Variants in GOLGA1 observed in about 807,000 individuals in gnomAD.
The protein encoded by GOLGA1 is golgin A1, also known as golgin subfamily A member 1.
In GOLGA1, 63 loss-of-function variants were observed where a neutral mutation model predicts 119.7. The ratio of observed to expected loss-of-function variants is 0.53; its 90% CI spans 0.43 to 0.65. The LOEUF is 0.65. GOLGA1 is among the 30% of genes least tolerant of loss of function. GOLGA1 has a pLI of 0.00. For missense variants in GOLGA1, 798 were observed against 912.8 expected (o/e 0.87, Z 1.62); for synonymous variants, 318 against 333.4 (o/e 0.95, Z 0.50).
chr9:124,928,050 A>C (rs577759184), intron 6 of GOLGA1, 138 bp downstream of exon 6: 125 of 515,058 alleles, frequency 2.4e-4, no homozygotes, highest in African/African-American at 2.4e-3. Context: ...AAAAGGCCAA[A>C]GAAAACCTTA....
chr9:124,938,502 A>T, intron 3 of GOLGA1, 75 bp downstream of exon 3: 3 of 1,224,358 alleles, frequency 2.5e-6, no homozygotes, highest in East Asian at 2.3e-5. Flanking sequence ...GGTATGAAAT[A>T]ATCAAGCAAT....
intron 10 of GOLGA1, among the ~76,000 whole-genome samples, chr9:124,916,877 C>CAAAAAAAAAAAAAAAAA (rs71494043): frequency 5.3e-4 from 22 of 41,174 alleles, no homozygotes; most frequent in Non-Finnish European, 7.0e-4. Flanking sequence ...CCCTGACACA[C>CAAAAAAAAAAAAAAAAA]AAAAAAAAAA....
chr9:124,923,774 G>A (rs1187839924), intron 7 of GOLGA1, among the ~76,000 whole-genome samples: 1 of 151,912 alleles, frequency 6.6e-6, no homozygotes, highest in Non-Finnish European at 1.5e-5. Context: ...ATGAGCCATC[G>A]TGCATGGCCT....
intron 12 of GOLGA1, among the ~76,000 whole-genome samples, chr9:124,905,045 T>C (rs1296135089): frequency 4.7e-5 from 7 of 148,712 alleles, no homozygotes; most frequent in Non-Finnish European, 8.9e-5. Flanking sequence ...CTTTGGGAGG[T>C]TGAGGCAGGA....
At chr9:124,941,839 G>T (rs1831036183), upstream of GOLGA1, among the ~76,000 whole-genome samples, 1 of 152,282 alleles carries the variant, frequency 6.6e-6, no homozygotes, top group Non-Finnish European at 1.5e-5. Flanking sequence ...CCAGCTACTC[G>T]GAAGACCGAG....
intron 12 of GOLGA1, among the ~76,000 whole-genome samples, chr9:124,907,045 A>C (rs1830247841): frequency 6.6e-6 from 1 of 152,160 alleles, no homozygotes; most frequent in African/African-American, 2.4e-5. Context: ...GCCCATAAAT[A>C]GTTAAAGTCA....
chr9:124,925,195 G>T (rs1249059444), intron 7 of GOLGA1, among the ~76,000 whole-genome samples: 1 of 152,054 alleles, frequency 6.6e-6, no homozygotes, highest in Non-Finnish European at 1.5e-5. Context: ...AGTTGGTTCA[G>T]TCCTATATGG....
At chr9:124,887,375 A>G (rs1022876400) in intron 19 of GOLGA1, 5 of 152,322 alleles carry the variant, frequency 3.3e-5, no homozygotes, top group Admixed American at 3.3e-4. Flanking sequence ...GGCTTCTGGG[A>G]TGCTGGCAAT....
chr9:124,922,180 A>G (rs983233237), intron 8 of GOLGA1, among the ~76,000 whole-genome samples: 12 of 151,318 alleles, frequency 7.9e-5, no homozygotes, highest in Non-Finnish European at 1.3e-4. Flanking sequence ...ATTAGCCAAG[A>G]TCGCGCCACT....
chr9:124,915,155 G>A (rs1024836131), intron 10 of GOLGA1, among the ~76,000 whole-genome samples: 5 of 152,166 alleles, frequency 3.3e-5, no homozygotes, highest in Admixed American at 3.3e-4. Context: ...AATTCTGGGT[G>A]GTGGTCACTT....
At chr9:124,935,299 A>T (rs1421244856) in intron 3 of GOLGA1, among the ~76,000 whole-genome samples, 2 of 152,224 alleles carry the variant, frequency 1.3e-5, no homozygotes, top group African/African-American at 4.8e-5. Context: ...TTTTATACAC[A>T]TAGCCTGAAC....
At chr9:124,944,226 C>G (rs1246996536), upstream of GOLGA1, 1 of 151,700 alleles carries the variant, frequency 6.6e-6, no homozygotes, top group Admixed American at 6.6e-5. Context: ...TGTACTGAAC[C>G]ATTAGAAGGT....
At chr9:124,883,701 G>A (rs887675880) in intron 19 of GOLGA1, among the ~76,000 whole-genome samples, 26 of 151,926 alleles carry the variant, frequency 1.7e-4, no homozygotes, top group African/African-American at 6.3e-4. Flanking sequence ...ACCCACCTTG[G>A]CCTCCCAAAG....
chr9:124,878,426 A>G lies in GOLGA1; in HGVS notation c.*2104T>C, dbSNP rs1286378084. ...GTATTGCACCACAGATGAATTTGCT[A>G]CAGCAGTTTTCAAGAATACAATCCC... On this transcript the variant is annotated 3_prime_UTR_variant, in exon 23 of 23. Coordinates refer to ENST00000373555, the MANE Select transcript of GOLGA1 (RefSeq NM_002077.4). The G allele has an allele frequency of 6.6e-6, 1 of 152,654 alleles. No individual in the cohort carries two copies. The highest frequency in any genetic ancestry group is 1.5e-5 in the Non-Finnish European group (1 of 68,042). 9.5% of individuals were successfully genotyped at this position (152,654 alleles called of 1,614,324 possible).
chr9:124,908,652 T>C (rs1250983761), intron 11 of GOLGA1, among the ~76,000 whole-genome samples, 180 bp from the exon 12 acceptor site: 1 of 152,252 alleles, frequency 6.6e-6, no homozygotes, highest in African/African-American at 2.4e-5. Flanking sequence ...AAATTTGAAA[T>C]AGTCCCTTGA....
chr9:124,917,549 C>T (rs1830472987), intron 10 of GOLGA1, among the ~76,000 whole-genome samples: 1 of 152,164 alleles, frequency 6.6e-6, no homozygotes, highest in Admixed American at 6.6e-5. Flanking sequence ...ATTATCTTCA[C>T]CACCACACTT....
intron 15 of GOLGA1, among the ~76,000 whole-genome samples, chr9:124,893,275 T>C (rs546546882): frequency 6.6e-6 from 1 of 152,378 alleles, no homozygotes; most frequent in South Asian, 2.1e-4. Context: ...TTTTCAGGTC[T>C]AAAGTTCTAT....
At chr9:124,913,144 C>T (rs960990908) in intron 10 of GOLGA1, among the ~76,000 whole-genome samples, 1 of 152,084 alleles carries the variant, frequency 6.6e-6, no homozygotes, top group African/African-American at 2.4e-5. Context: ...ACTGTAAAAC[C>T]ATCAGCTCTC....
Position 124,900,461 on chromosome 9 carries a change from T to C in GOLGA1, c.1152A>G (p.Ile384Met). The C allele has an allele frequency of 1.3e-6, 2 of 1,532,736 alleles. No individual in the cohort carries two copies. The highest frequency in any genetic ancestry group is 1.8e-6 in the Non-Finnish European group (2 of 1,105,692). 94.9% of individuals were successfully genotyped at this position (1,532,736 alleles called of 1,614,324 possible). Residue 384 changes from isoleucine to methionine, a missense_variant, in exon 13 of 23, where the codon ATA becomes ATG. By Grantham distance (10) the Ile-to-Met change is conservative. Coordinates refer to ENST00000373555, the MANE Select transcript of GOLGA1 (RefSeq NM_002077.4). The stretch of plus-strand genomic sequence containing the variant: ...TCCAATAAGCACTTACGAGCTCCTG[T>C]ATCTGAGTTTCCTGGGCAGCCACAA... ...KGIVAAQETQ[I>M]QELAAANQES... is the part of the protein sequence containing the mutation.
Sources: gnomAD v4.1 joint callset for allele counts (sites outside exome capture counted in the v4.1 genomes callset) on GRCh38, gnomAD v4.1.1 for gene constraint, MANE v1.5 for transcripts, NCBI Gene and HGNC (gene_info 2026-07-23, HGNC 2026-07-21) for gene names.